Variants in NWD2 observed in about 807,000 individuals in gnomAD.
NWD2 encodes NACHT and WD repeat domain-containing protein 2.
NWD2 carries 37 observed loss-of-function variants against 132.7 expected under a neutral mutation model. The observed-to-expected ratio is 0.28, with a 90% CI of 0.21 to 0.37. The LOEUF (loss-of-function observed/expected upper bound fraction) is 0.37, where lower values mean the gene tolerates loss of function less well. Ranked by LOEUF, NWD2 falls within the 10% of genes least tolerant of loss-of-function variation. The pLI is 1.00. For missense variants in NWD2, 1,592 were observed against 2,122.4 expected (o/e 0.75, Z 4.91); for synonymous variants, 705 against 803.0 (o/e 0.88, Z 2.06).
intron 1 of NWD2, among the ~76,000 whole-genome samples, chr4:37,255,199 C>T (rs1717490540): frequency 6.6e-6 from 1 of 152,182 alleles, no homozygotes; most frequent in Admixed American, 6.5e-5. Context: ...ATAAAAACTA[C>T]AGACACTGCC....
Position 37,420,405 on chromosome 4 carries a change from G to T in NWD2, c.358-10167G>T, listed in dbSNP as rs558275567. Reference sequence around the variant, plus strand: ...CTGCTCTCCTAGGAGAAAGGCACAGGCCGGGCATGGTGGCTCACACCTATA... The same window carrying T: ...CTGCTCTCCTAGGAGAAAGGCACAGTCCGGGCATGGTGGCTCACACCTATA... On this transcript the variant is annotated intron_variant, in intron 3 of 6. Transcript: ENST00000309447. Among the ~76,000 whole-genome samples, 8 of 152,312 alleles carry T rather than the reference G, an allele frequency of 5.3e-5. 1 individual carries two copies. The highest frequency in any genetic ancestry group is 1.9e-4 in the African/African-American group (8 of 41,560).
chr4:37,434,932 G>A (rs758080923), intron 5 of NWD2, among the ~76,000 whole-genome samples: 16 of 151,994 alleles, frequency 1.1e-4, no homozygotes, highest in Admixed American at 2.6e-4. Context: ...ATCTAATTTA[G>A]CATTAAAATA....
At position 37,288,747 on chromosome 4, in the gene NWD2, C is replaced by T. The variant is rs139236960; in HGVS notation, c.152-37189C>T. 4.6e-3 allele frequency among the ~76,000 whole-genome samples: 693 copies of T among 152,200 alleles called. 9 individuals are homozygous for T. The highest frequency in any genetic ancestry group is 0.015 in the African/African-American group (643 of 41,524). On this transcript the variant is annotated intron_variant, in intron 1 of 6. Coordinates refer to ENST00000309447, the MANE Select transcript of NWD2 (RefSeq NM_001144990.2). ...AGTAGAAATTGTTGTTGTGAATTAC[C>T]CATTTGCATATATTAAACAATGGTA... is the stretch of plus-strand genomic sequence containing the variant.
At chr4:37,335,641 G>T (rs189388377) in intron 2 of NWD2, among the ~76,000 whole-genome samples, 1 of 151,944 alleles carries the variant, frequency 6.6e-6, no homozygotes, top group Admixed American at 6.6e-5. Context: ...TCAGATCAGC[G>T]GTGGCATTAG....
chr4:37,425,310 A>G (rs1291162875), intron 3 of NWD2, among the ~76,000 whole-genome samples: 1 of 152,198 alleles, frequency 6.6e-6, no homozygotes, highest in Non-Finnish European at 1.5e-5. Context: ...AAACTACATA[A>G]AAGTCTGATA....
chr4:37,335,510 T>C (rs1332815411), intron 2 of NWD2, among the ~76,000 whole-genome samples: 2 of 152,104 alleles, frequency 1.3e-5, no homozygotes, highest in Non-Finnish European at 2.9e-5. Context: ...TATTTATATC[T>C]TCATAGTACC....
intron 2 of NWD2, among the ~76,000 whole-genome samples, chr4:37,349,216 T>C (rs1719713846): frequency 6.6e-6 from 1 of 152,170 alleles, no homozygotes; most frequent in African/African-American, 2.4e-5. Flanking sequence ...GATCACTGGG[T>C]CAAATGGTAT....
intron 1 of NWD2, among the ~76,000 whole-genome samples, chr4:37,310,477 G>A (rs1314952946): frequency 6.6e-6 from 1 of 152,038 alleles, no homozygotes; most frequent in Non-Finnish European, 1.5e-5. Context: ...CTAAGATTTG[G>A]ATAAATTGAT....
At chr4:37,268,427 A>C (rs1452223741) in intron 1 of NWD2, among the ~76,000 whole-genome samples, 1 of 151,890 alleles carries the variant, frequency 6.6e-6, no homozygotes, top group African/African-American at 2.4e-5. Flanking sequence ...TCTGTGTCTA[A>C]TGTCTTTATG....
chr4:37,356,603 T>C (rs967971690), intron 3 of NWD2, 121 bp downstream of exon 3: 2 of 641,320 alleles, frequency 3.1e-6, no homozygotes, highest in African/African-American at 1.8e-5. Context: ...TATGTCTATT[T>C]AAACATTTTA....
chr4:37,355,871 C>T (rs1485882907), intron 2 of NWD2, among the ~76,000 whole-genome samples: 1 of 151,902 alleles, frequency 6.6e-6, no homozygotes, highest in Non-Finnish European at 1.5e-5. Flanking sequence ...AAATATCTCT[C>T]CTCATATGAT....
intron 2 of NWD2, among the ~76,000 whole-genome samples, chr4:37,328,830 C>T (rs894515648): frequency 6.6e-6 from 1 of 152,086 alleles, no homozygotes; most frequent in African/African-American, 2.4e-5. Context: ...TGTTTTAGTT[C>T]TTTGCATAGT....
chr4:37,340,119 C>T (rs936935276), intron 2 of NWD2, among the ~76,000 whole-genome samples: 2 of 151,908 alleles, frequency 1.3e-5, no homozygotes, highest in African/African-American at 4.8e-5. Flanking sequence ...AAAAAATTAA[C>T]ATACCTCAGT....
intron 2 of NWD2, among the ~76,000 whole-genome samples, chr4:37,330,295 G>A (rs1219406165): frequency 6.6e-6 from 1 of 152,092 alleles, no homozygotes; most frequent in Non-Finnish European, 1.5e-5. Context: ...AGAACATCAA[G>A]CCCACTCAGC....
Position 37,430,561 on chromosome 4 carries a change from T to A in NWD2, c.358-11T>A, listed in dbSNP as rs1178031113. The A allele has an allele frequency of 1.3e-6, 2 of 1,546,938 alleles. No homozygotes were observed. Among genetic ancestry groups the A allele is most frequent in the Non-Finnish European group, 1.8e-6 (2 of 1,142,814 alleles). ...TGATACACTAAATTGAACTTTCTTG[T>A]TGATACACAGGGACTATTAGGTGAA... On this transcript the variant is annotated splice_polypyrimidine_tract_variant and intron_variant, in intron 3 of 6. Coordinates refer to ENST00000309447, the MANE Select transcript of NWD2 (RefSeq NM_001144990.2).
At chr4:37,357,329 G>A (rs934680638) in intron 3 of NWD2, among the ~76,000 whole-genome samples, 1 of 152,096 alleles carries the variant, frequency 6.6e-6, no homozygotes, top group Non-Finnish European at 1.5e-5. Flanking sequence ...ATCAGCAAAA[G>A]TGTTCTTAAT....
At chr4:37,289,809 C>T (rs1197388066) in intron 1 of NWD2, among the ~76,000 whole-genome samples, 1 of 152,204 alleles carries the variant, frequency 6.6e-6, no homozygotes, top group Non-Finnish European at 1.5e-5. Flanking sequence ...GTGAGTCCCA[C>T]TCCTCACCCC....
chr4:37,248,509 C>T (rs1717289449), intron 1 of NWD2, among the ~76,000 whole-genome samples: 1 of 152,204 alleles, frequency 6.6e-6, no homozygotes, highest in Admixed American at 6.5e-5. Flanking sequence ...TTCCACCTCC[C>T]ACCCAACATA....
chr4:37,305,012 C>G (rs1260201389), intron 1 of NWD2, among the ~76,000 whole-genome samples: 1 of 152,226 alleles, frequency 6.6e-6, no homozygotes, highest in African/African-American at 2.4e-5. Context: ...CCAGGCATTT[C>G]CATACATCCT....
Sources: allele counts gnomAD v4.1 joint callset (sites outside exome capture counted in the v4.1 genomes callset), GRCh38; gene constraint gnomAD v4.1.1; transcripts MANE v1.5; gene names NCBI Gene and HGNC (gene_info 2026-07-23, HGNC 2026-07-21).